GATAD2B: variants seen among roughly 807,000 people sequenced by gnomAD.
The protein encoded by GATAD2B is GATA zinc finger domain containing 2B.
A neutral mutation model predicts 64.3 loss-of-function variants in GATAD2B; 8 were observed. The ratio of observed to expected loss-of-function variants is 0.12; its 90% CI spans 0.07 to 0.22. GATAD2B has a LOEUF of 0.22. Among genes scored for constraint, GATAD2B ranks in the 10% least tolerant of loss-of-function variants. The probability of loss-of-function intolerance (pLI) is 1.00; values close to 1 mark genes in which losing one functional copy is unlikely to be tolerated. For synonymous variants in GATAD2B, 281 were observed against 271.3 expected, an observed-to-expected ratio of 1.04 and a Z score of -0.35; for missense variants, 453 against 752.0, an observed-to-expected ratio of 0.60 and a Z score of 4.65.
chr1:153,853,225 G>A, intron 1 of GATAD2B: 1 of 1,113,662 alleles, frequency 9.0e-7, no homozygotes, highest in Non-Finnish European at 1.4e-6. Context: ...AGAGCACACT[G>A]GTCATGGCCA....
intron 2 of GATAD2B, among the ~76,000 whole-genome samples, chr1:153,822,186 A>C (rs1229387444): frequency 4.6e-5 from 7 of 152,162 alleles, no homozygotes; most frequent in Non-Finnish European, 1.0e-4. Context: ...GTCTCAAAAA[A>C]ATTAAAAATA....
rs550055175 is a variant in GATAD2B at position 153,805,870 on chromosome 1, A to T, written c.*4307T>A. 1 of 152,288 alleles carries T rather than the reference A, an allele frequency of 6.6e-6. No individual in the cohort carries two copies. Among genetic ancestry groups the T allele is most frequent in the East Asian group, 1.9e-4 (1 of 5,172 alleles). 9.4% of individuals were successfully genotyped at this position (152,288 alleles called of 1,614,324 possible). A position where few individuals can be genotyped will look rare whatever the true frequency, so the allele number is the denominator to read the frequency against. Reference sequence around the variant, plus strand: ...TTCTTTTTACTCTACAAAGTCCTGGACCAGGAGGTCTTGGCTTTCACAGGA... The same window carrying T: ...TTCTTTTTACTCTACAAAGTCCTGGTCCAGGAGGTCTTGGCTTTCACAGGA... On this transcript the variant is annotated 3_prime_UTR_variant, in exon 11 of 11. Transcript: ENST00000368655.
chr1:153,867,646 G>A (rs1369360451), intron 1 of GATAD2B, among the ~76,000 whole-genome samples: 1 of 151,966 alleles, frequency 6.6e-6, no homozygotes. Flanking sequence ...GATCACCTGA[G>A]GTCAGGAGTT....
At position 153,856,275 on chromosome 1, in the gene GATAD2B, A is replaced by G. The variant is rs1676079347; in HGVS notation, c.-1-27927T>C. Reference sequence around the variant, plus strand: ...TGTTGCCATGAAACGGAACATATTCACAGGTTATGGGGGCTGGAGTATAGA... The same window carrying G: ...TGTTGCCATGAAACGGAACATATTCGCAGGTTATGGGGGCTGGAGTATAGA... On this transcript the variant is annotated intron_variant, in intron 1 of 10. Coordinates refer to ENST00000368655, the MANE Select transcript of GATAD2B (RefSeq NM_020699.4). Among the ~76,000 whole-genome samples, 4 of 152,280 alleles carry G rather than the reference A, an allele frequency of 2.6e-5. No individual in the cohort carries two copies. The South Asian group carries it at 8.3e-4, about 32-fold the overall frequency.
chr1:153,893,118 G>A (rs1232003432), intron 1 of GATAD2B, among the ~76,000 whole-genome samples: 1 of 152,128 alleles, frequency 6.6e-6, no homozygotes. Context: ...TTTACCTAGA[G>A]GAAACTTCTA....
At chr1:153,828,479 CACACACACACACAA>C (rs1020842787) in intron 1 of GATAD2B, 131 bp from the exon 2 acceptor site, 1 of 632,836 alleles carries the variant, frequency 1.6e-6, no homozygotes, top group African/African-American at 1.8e-5. Context: ...CACACACACA[CACACACACACACAA>C]AGTTCAAAGT....
At chr1:153,819,882 T>A in intron 2 of GATAD2B, 147 bp from the exon 3 acceptor site, 1 of 545,498 alleles carries the variant, frequency 1.8e-6, no homozygotes, top group Non-Finnish European at 3.1e-6. Context: ...GTGGAACACC[T>A]GGGGTCAGGA....
chr1:153,895,448 C>G (rs1251330964), intron 1 of GATAD2B, among the ~76,000 whole-genome samples: 1 of 151,704 alleles, frequency 6.6e-6, no homozygotes, highest in Non-Finnish European at 1.5e-5. Context: ...GTCGTGGTGG[C>G]ACATGCATGT....
intron 1 of GATAD2B, among the ~76,000 whole-genome samples, chr1:153,917,427 C>T (rs1357044087): frequency 4.0e-5 from 6 of 149,198 alleles, no homozygotes; most frequent in Non-Finnish European, 5.9e-5. Context: ...CTGAGTCTCA[C>T]GCTATCACCC....
intron 1 of GATAD2B, among the ~76,000 whole-genome samples, chr1:153,915,591 T>C (rs1241677696): frequency 6.6e-6 from 1 of 151,660 alleles, no homozygotes; most frequent in African/African-American, 2.4e-5. Context: ...AAAAATTAGC[T>C]GGGCAAAGTG....
At chr1:153,842,032 G>A (rs1424789929) in intron 1 of GATAD2B, among the ~76,000 whole-genome samples, 1 of 152,066 alleles carries the variant, frequency 6.6e-6, no homozygotes, top group Non-Finnish European at 1.5e-5. Flanking sequence ...GCTATTCATA[G>A]GCACCATCTT....
At chr1:153,829,623 G>A (rs1231425041) in intron 1 of GATAD2B, among the ~76,000 whole-genome samples, 1 of 152,060 alleles carries the variant, frequency 6.6e-6, no homozygotes, top group African/African-American at 2.4e-5. Flanking sequence ...TGTAATCCCT[G>A]CTACTTGGGA....
At chr1:153,844,846 G>A (rs1300457086) in intron 1 of GATAD2B, among the ~76,000 whole-genome samples, 3 of 150,264 alleles carry the variant, frequency 2.0e-5, no homozygotes, top group African/African-American at 7.4e-5. Flanking sequence ...CCACCAGCAT[G>A]GCACATGTAT....
At chr1:153,825,737 A>T (rs189889582) in intron 2 of GATAD2B, among the ~76,000 whole-genome samples, 1 of 152,228 alleles carries the variant, frequency 6.6e-6, no homozygotes, top group East Asian at 1.9e-4. Context: ...TTTTAATGTT[A>T]CTACCAAGAA....
chr1:153,877,038 A>G (rs1020649841), intron 1 of GATAD2B, among the ~76,000 whole-genome samples: 2 of 152,100 alleles, frequency 1.3e-5, no homozygotes, highest in African/African-American at 4.8e-5. Flanking sequence ...AAGAACAGGC[A>G]GTATTAGAGT....
chr1:153,870,963 A>G (rs1408966021), intron 1 of GATAD2B, among the ~76,000 whole-genome samples: 2 of 152,180 alleles, frequency 1.3e-5, no homozygotes, highest in Non-Finnish European at 2.9e-5. Flanking sequence ...CCCAGGCTGG[A>G]GTGCAGTGGC....
chr1:153,837,506 T>G (rs577085386), intron 1 of GATAD2B, among the ~76,000 whole-genome samples: 1 of 152,242 alleles, frequency 6.6e-6, no homozygotes, highest in African/African-American at 2.4e-5. Flanking sequence ...TGGTGATGGT[T>G]GCAAAACAAT....
chr1:153,841,069 G>A (rs1275065416), intron 1 of GATAD2B, among the ~76,000 whole-genome samples: 1 of 141,602 alleles, frequency 7.1e-6, no homozygotes, highest in African/African-American at 2.7e-5. Flanking sequence ...AGGTTGCAGT[G>A]AACCGAGATC....
At chr1:153,898,306 CAAAAAAAAA>C (rs11373311) in intron 1 of GATAD2B, among the ~76,000 whole-genome samples, 1 of 80,792 alleles carries the variant, frequency 1.2e-5, no homozygotes, top group Non-Finnish European at 2.4e-5. Flanking sequence ...CAGCCTGTCT[CAAAAAAAAA>C]AAAAAAAAGA....
Sources: gnomAD v4.1 joint callset for allele counts (sites outside exome capture counted in the v4.1 genomes callset) on GRCh38, gnomAD v4.1.1 for gene constraint, MANE v1.5 for transcripts, NCBI Gene and HGNC (gene_info 2026-07-23, HGNC 2026-07-21) for gene names.